ZSCAN30: variants seen among roughly 807,000 people sequenced by gnomAD.
ZSCAN30 encodes zinc finger and SCAN domain-containing protein 30.
Under a neutral mutation model 44.3 loss-of-function variants are expected in ZSCAN30, and 37 were observed. The ratio of observed to expected loss-of-function variants is 0.84; its 90% CI spans 0.64 to 1.10. ZSCAN30 has a LOEUF of 1.10. ZSCAN30 is among the 50% of genes least tolerant of loss of function. The pLI, the probability that ZSCAN30 is intolerant of heterozygous loss-of-function variation, is 0.00. For synonymous variants in ZSCAN30, 181 were observed against 204.6 expected (o/e 0.88, Z 0.98); for missense variants, 549 against 582.6 (o/e 0.94, Z 0.59).
chr18:35,284,280 A>G (rs1254756026), intron 1 of ZSCAN30: 1 of 152,522 alleles, frequency 6.6e-6, no homozygotes, highest in Non-Finnish European at 1.5e-5. Flanking sequence ...AGGTCCAAGA[A>G]AAAGCACCAC....
In ZSCAN30 at chr18:35,254,015, C is replaced by A. The variant is rs2043695805; in HGVS notation, c.920G>T (p.Gly307Val). ...REKLYECFDCGKAFCQSSKLI... is the reference protein window; with the variant it reads ...REKLYECFDCVKAFCQSSKLI... ...CTTTGAGCTCTGGCAAAAGGCCTTC[C>A]CACAGTCAAAGCACTCATAGAGCTT... The change falls in exon 4 of 4, where the codon GGG becomes GTG. Residue 307 changes from glycine (G) to valine (V), a missense_variant. Gly to Val is a moderately radical substitution (Grantham distance 109). Transcript: ENST00000333206. 1 of 1,614,042 alleles carries A rather than the reference C, an allele frequency of 6.2e-7. No homozygotes were observed. The highest frequency in any genetic ancestry group is 8.5e-7 in the Non-Finnish European group (1 of 1,180,026).
chr18:35,265,032 G>C (rs2044116716), intron 1 of ZSCAN30, among the ~76,000 whole-genome samples: 1 of 152,002 alleles, frequency 6.6e-6, no homozygotes, highest in Non-Finnish European at 1.5e-5. Context: ...TATAGTCCCA[G>C]CTACTTGGGA....
In ZSCAN30 at chr18:35,263,521, T is replaced by C. The variant is rs1386762617; in HGVS notation, c.545A>G (p.Gln182Arg). The change falls in exon 3 of 4, where the codon CAG becomes CGG. Residue 182 changes from glutamine (Q) to arginine (R), a missense_variant. By Grantham distance (43) the Gln-to-Arg change is conservative (BLOSUM62 1). Coordinates refer to ENST00000333206, the MANE Select transcript of ZSCAN30 (RefSeq NM_001112734.4). ...KTETQESQAF[Q>R]ERDGRMVAGK... ...GGACTGGGGCTTCTCACCTCTCTCC[T>C]GGAAAGCCTGGGACTCCTGAGTCTC... 2 of 1,614,184 alleles carry C rather than the reference T, an allele frequency of 1.2e-6. No individual in the cohort carries two copies. The highest frequency in any genetic ancestry group is 2.2e-5 in the South Asian group (2 of 91,082).
intron 1 of ZSCAN30, among the ~76,000 whole-genome samples, chr18:35,280,224 T>C (rs770428300): frequency 1.3e-5 from 2 of 150,712 alleles, no homozygotes; most frequent in Non-Finnish European, 2.9e-5. Flanking sequence ...TGCAGTGAGC[T>C]GTGATCACAC....
In ZSCAN30 at chr18:35,253,415, T is replaced by A. The variant is rs753604458; in HGVS notation, c.*35A>T. ...AGTCTCACCCCTACAGTGAACTCCTTGCATTTCACAATTGTACAACTCTTA... is the reference window on the plus strand; with the variant it reads ...AGTCTCACCCCTACAGTGAACTCCTAGCATTTCACAATTGTACAACTCTTA... On this transcript the variant is annotated 3_prime_UTR_variant, in exon 4 of 4. Transcript: ENST00000333206. 1 of 1,513,620 alleles carries A rather than the reference T, an allele frequency of 6.6e-7. No individual in the cohort carries two copies. Among genetic ancestry groups the A allele is most frequent in the Admixed American group, 2.2e-5 (1 of 46,438 alleles). The allele number at this position is 1,513,620 out of a possible 1,614,324, so 93.8% of individuals were successfully genotyped here.
chr18:35,256,731 G>C (rs1431408440), intron 3 of ZSCAN30, among the ~76,000 whole-genome samples: 1 of 152,016 alleles, frequency 6.6e-6, no homozygotes, highest in African/African-American at 2.4e-5. Context: ...ATAAGGCACA[G>C]GTATCTCTGT....
intron 3 of ZSCAN30, chr18:35,260,769 GGATA>G (rs748389402): frequency 9.9e-5 from 15 of 151,976 alleles, no homozygotes; most frequent in African/African-American, 2.2e-4. Flanking sequence ...TTTGTCAGAT[GGATA>G]GATTGCAAAA....
chr18:35,274,073 T>G (rs1385001528), intron 1 of ZSCAN30, among the ~76,000 whole-genome samples: 1 of 152,112 alleles, frequency 6.6e-6, no homozygotes, highest in Non-Finnish European at 1.5e-5. Flanking sequence ...TGGAGTGCAG[T>G]GGTGCGATCT....
intron 1 of ZSCAN30, among the ~76,000 whole-genome samples, chr18:35,289,028 C>A (rs2044603953): frequency 6.6e-6 from 1 of 152,070 alleles, no homozygotes. Flanking sequence ...AGTGCAGTGG[C>A]GCAATCTCGG....
chr18:35,274,362 T>G (rs1003778312), intron 1 of ZSCAN30, among the ~76,000 whole-genome samples: 3 of 152,214 alleles, frequency 2.0e-5, no homozygotes, highest in African/African-American at 7.2e-5. Context: ...CTAGAGAGAA[T>G]CATTGTTTGC....
intron 3 of ZSCAN30, 68 bp from the exon 4 acceptor site, chr18:35,254,449 AAC>A (rs1450224746): frequency 1.2e-6 from 2 of 1,610,650 alleles, no homozygotes; most frequent in Non-Finnish European, 1.7e-6. Context: ...TTGTAGCAGG[AAC>A]ACAAACTCAA....
chr18:35,287,872 C>T (rs534260949), intron 1 of ZSCAN30, among the ~76,000 whole-genome samples: 139 of 134,502 alleles, frequency 1.0e-3, no homozygotes, highest in Middle Eastern at 3.7e-3. Context: ...TCTTCTTCCT[C>T]TTCTTTTTTT....
rs1670228869 is a variant in ZSCAN30, at chr18:35,253,042, C to A, written c.*408G>T. ...GAATAACTCTCAGCACATGCCTCCA[C>A]CTGACAAAATACAAATGCTCTTGCC... On this transcript the variant is annotated 3_prime_UTR_variant, in exon 4 of 4. Coordinates refer to ENST00000333206, the MANE Select transcript of ZSCAN30 (RefSeq NM_001112734.4). 6.1e-6 allele frequency: 1 copy of A among 163,288 alleles called. No individual in the cohort carries two copies. The highest frequency in any genetic ancestry group is 1.3e-5 in the Non-Finnish European group (1 of 75,252). 10.1% of individuals were successfully genotyped at this position (163,288 alleles called of 1,614,324 possible). A position where few individuals can be genotyped will look rare whatever the true frequency, so the allele number is the denominator to read the frequency against.
Position 35,254,048 on chromosome 18 carries a change from G to A in ZSCAN30, c.887C>T (p.Thr296Ile), listed in dbSNP as rs570840975. The change falls in exon 4 of 4, where the codon ACT (threonine) becomes ATT (isoleucine). Residue 296 changes from threonine to isoleucine, a missense_variant. Physicochemically the swap from Thr to Ile is moderately conservative, Grantham distance 89. Coordinates refer to ENST00000333206, the MANE Select transcript of ZSCAN30 (RefSeq NM_001112734.4). ...SNDITQQSVD[T>I]REKLYECFDC... is the part of the protein sequence containing the mutation. Reference sequence around the variant, plus strand: ...AAAGCACTCATAGAGCTTTTCCCTAGTGTCAACGCTCTGTTGTGTAATATC... The same window carrying A: ...AAAGCACTCATAGAGCTTTTCCCTAATGTCAACGCTCTGTTGTGTAATATC... 1 of 1,614,126 alleles carries A rather than the reference G, an allele frequency of 6.2e-7. No homozygotes were observed. The highest frequency in any genetic ancestry group is 1.7e-5 in the Admixed American group (1 of 59,994).
intron 1 of ZSCAN30, among the ~76,000 whole-genome samples, chr18:35,271,503 G>C (rs1242058898): frequency 3.3e-5 from 5 of 152,296 alleles, no homozygotes; most frequent in Admixed American, 2.6e-4. Context: ...ACTAGACACA[G>C]AGTGCTGATT....
At chr18:35,281,776 G>A (rs1378233009) in intron 1 of ZSCAN30, 1 of 152,026 alleles carries the variant, frequency 6.6e-6, no homozygotes, top group Non-Finnish European at 1.5e-5. Context: ...TAGAAGCTAT[G>A]TCCATGGAGT....
chr18:35,270,999 G>A (rs2044260827), intron 1 of ZSCAN30, among the ~76,000 whole-genome samples: 1 of 152,224 alleles, frequency 6.6e-6, no homozygotes. Flanking sequence ...GTCCGGAGTT[G>A]TTCATTCCTC....
intron 1 of ZSCAN30, among the ~76,000 whole-genome samples, chr18:35,285,583 A>G (rs1254452471): frequency 6.6e-6 from 1 of 152,224 alleles, no homozygotes; most frequent in Non-Finnish European, 1.5e-5. Flanking sequence ...TTAGAAATAA[A>G]TATCAGAAAA....
rs1336179522 is a variant in ZSCAN30 at position 35,251,069 on chromosome 18, ACT to A, written c.*2379_*2380del. 1.3e-5 allele frequency: 2 copies of A among 152,218 alleles called. No homozygotes were observed. Among genetic ancestry groups the A allele is most frequent in the Non-Finnish European group, 2.9e-5 (2 of 68,044 alleles). The allele number at this position is 152,218 out of a possible 1,614,324, so 9.4% of individuals were successfully genotyped here. A position where few individuals can be genotyped will look rare whatever the true frequency, so the allele number is the denominator to read the frequency against. On this transcript the variant is annotated 3_prime_UTR_variant, in exon 4 of 4. Coordinates refer to ENST00000333206, the MANE Select transcript of ZSCAN30 (RefSeq NM_001112734.4). ...AATAATTTCAAAGCAAACTTTTAAA[ACT>A]CAAGTTTTATTGCAATACATCTTGC...
Sources: allele counts gnomAD v4.1 joint callset (sites outside exome capture counted in the v4.1 genomes callset), GRCh38; gene constraint gnomAD v4.1.1; transcripts MANE v1.5; gene names NCBI Gene and HGNC (gene_info 2026-07-23, HGNC 2026-07-21).